Variants in CSMD1 observed in about 807,000 individuals in gnomAD.
CSMD1 encodes CUB and Sushi multiple domains 1, also known as CUB and sushi domain-containing protein 1.
Under a neutral mutation model 417.5 loss-of-function variants are expected in CSMD1, and 213 were observed. The observed-to-expected ratio is 0.51, with a 90% CI of 0.46 to 0.57. The LOEUF (loss-of-function observed/expected upper bound fraction) is 0.57. Ranked by LOEUF, CSMD1 falls within the 20% of genes least tolerant of loss-of-function variation. The pLI, the probability that CSMD1 is intolerant of heterozygous loss-of-function variation, is 0.00. For missense variants in CSMD1, 6,923 were observed against 4,529.7 expected (o/e 1.53, Z -15.17); for synonymous variants, 2,862 against 1,736.8 (o/e 1.65, Z -16.11).
intron 3 of CSMD1, among the ~76,000 whole-genome samples, chr8:4,404,421 T>A (rs1326271263): frequency 1.3e-5 from 2 of 152,178 alleles, no homozygotes; most frequent in African/African-American, 4.8e-5. Flanking sequence ...CAGTTAATCA[T>A]CAATAAATAT....
intron 2 of CSMD1, among the ~76,000 whole-genome samples, chr8:4,437,779 T>A (rs1024432741): frequency 6.6e-6 from 1 of 152,140 alleles, no homozygotes; most frequent in Admixed American, 6.5e-5. Flanking sequence ...GATCTTTGAG[T>A]TGTCTCTATG....
chr8:4,286,492 T>C (rs1425812045), intron 3 of CSMD1, among the ~76,000 whole-genome samples: 7 of 152,108 alleles, frequency 4.6e-5, no homozygotes, highest in Non-Finnish European at 2.9e-5. Flanking sequence ...AATAAGACGG[T>C]TGTGGCACAG....
At chr8:3,065,404 A>G (rs1812873860) in intron 49 of CSMD1, among the ~76,000 whole-genome samples, 1 of 152,138 alleles carries the variant, frequency 6.6e-6, no homozygotes, top group Non-Finnish European at 1.5e-5. Flanking sequence ...GTAGATGGAT[A>G]GATTGCTAAA....
intron 3 of CSMD1, among the ~76,000 whole-genome samples, chr8:4,366,213 T>C (rs1409705980): frequency 6.6e-6 from 1 of 152,038 alleles, no homozygotes; most frequent in Non-Finnish European, 1.5e-5. Context: ...CTTAGGATAA[T>C]GGTCTTCAAC....
chr8:3,002,652 T>C (rs1480662083), intron 52 of CSMD1, among the ~76,000 whole-genome samples: 1 of 152,210 alleles, frequency 6.6e-6, no homozygotes, highest in Non-Finnish European at 1.5e-5. Flanking sequence ...AGGACTCCTT[T>C]TAAACCTTAA....
intron 5 of CSMD1, among the ~76,000 whole-genome samples, chr8:3,854,990 G>A (rs761120694): frequency 6.6e-6 from 1 of 152,050 alleles, no homozygotes; most frequent in South Asian, 2.1e-4. Context: ...TCCAGGCCCA[G>A]TAATCCATAC....
chr8:4,713,374 T>G (rs967683381), intron 1 of CSMD1, among the ~76,000 whole-genome samples: 1 of 148,014 alleles, frequency 6.8e-6, no homozygotes, highest in Non-Finnish European at 1.5e-5. Context: ...CAGCTTTGTG[T>G]TTTTGTTTTG....
At position 3,571,387 on chromosome 8, in the gene CSMD1, G is replaced by C. The variant is rs73658198; in HGVS notation, c.1344+3558C>G. The stretch of plus-strand genomic sequence containing the variant: ...ATTGGTTCCTGAAGTCTGTTCCCTG[G>C]TTAAAGGTACGGAGAACATATATTG... On this transcript the variant is annotated intron_variant, in intron 10 of 69. Transcript: ENST00000635120. Among the ~76,000 whole-genome samples the C allele has an allele frequency of 9.0e-3, 1,364 of 152,250 alleles. 23 individuals carry two copies. Among genetic ancestry groups the C allele is most frequent in the African/African-American group, 0.031 (1,295 of 41,536 alleles).
chr8:4,701,106 G>T (rs1466251384), intron 1 of CSMD1, among the ~76,000 whole-genome samples: 2 of 152,030 alleles, frequency 1.3e-5, no homozygotes, highest in Non-Finnish European at 2.9e-5. Flanking sequence ...AGGATGAAAG[G>T]TGAATGTTGC....
At chr8:4,514,814 G>A (rs183941032) in intron 2 of CSMD1, among the ~76,000 whole-genome samples, 1 of 152,268 alleles carries the variant, frequency 6.6e-6, no homozygotes, top group African/African-American at 2.4e-5. Flanking sequence ...AGTGCTGGCT[G>A]CTGTTACTGT....
chr8:3,455,380 G>A (rs988214427), intron 12 of CSMD1, among the ~76,000 whole-genome samples: 1 of 152,248 alleles, frequency 6.6e-6, no homozygotes, highest in East Asian at 1.9e-4. Flanking sequence ...TGGAGGAGGA[G>A]AGGCACTCTG....
intron 1 of CSMD1, among the ~76,000 whole-genome samples, chr8:4,781,073 C>T (rs941494252): frequency 3.3e-5 from 5 of 152,172 alleles, no homozygotes; most frequent in South Asian, 2.1e-4. Context: ...CTGTGTCCCG[C>T]CGTCTTGTTA....
chr8:4,670,022 A>G (rs1054933143), intron 1 of CSMD1, among the ~76,000 whole-genome samples: 2 of 152,120 alleles, frequency 1.3e-5, no homozygotes, highest in African/African-American at 2.4e-5. Flanking sequence ...GAACAAATGA[A>G]CTCAACCATC....
intron 1 of CSMD1, among the ~76,000 whole-genome samples, chr8:4,684,896 A>G (rs986088449): frequency 6.6e-6 from 1 of 152,226 alleles, no homozygotes; most frequent in African/African-American, 2.4e-5. Context: ...TCACTTACTC[A>G]ACAAAACTGT....
intron 1 of CSMD1, among the ~76,000 whole-genome samples, chr8:4,967,107 G>C (rs1485018614): frequency 6.6e-6 from 1 of 151,900 alleles, no homozygotes; most frequent in Non-Finnish European, 1.5e-5. Context: ...AGATAAATTT[G>C]TCTTAAAAAA....
intron 41 of CSMD1, among the ~76,000 whole-genome samples, chr8:3,119,247 T>C (rs1348952712): frequency 1.4e-5 from 2 of 146,818 alleles, no homozygotes; most frequent in African/African-American, 2.5e-5. Flanking sequence ...GGTGAACATA[T>C]ACCTAATAAT....
intron 5 of CSMD1, among the ~76,000 whole-genome samples, chr8:3,824,408 G>A (rs1319483118): frequency 6.6e-6 from 1 of 152,124 alleles, no homozygotes; most frequent in Admixed American, 6.6e-5. Flanking sequence ...GCTCCCAATG[G>A]GAAAGATGAA....
At chr8:3,053,447 C>T (rs140958086) in intron 49 of CSMD1, among the ~76,000 whole-genome samples, 1,903 of 152,172 alleles carry the variant, frequency 0.013, 25 homozygotes, top group Non-Finnish European at 0.017. Context: ...TTGTTCCTCT[C>T]CCCTTCCCCA....
At chr8:3,429,965 T>C (rs2117015855) in intron 12 of CSMD1, among the ~76,000 whole-genome samples, 1 of 152,304 alleles carries the variant, frequency 6.6e-6, no homozygotes, top group East Asian at 1.9e-4. Flanking sequence ...TTAATCGATA[T>C]CTGTATGTAT....
Sources: allele counts gnomAD v4.1 joint callset (sites outside exome capture counted in the v4.1 genomes callset), GRCh38; gene constraint gnomAD v4.1.1; transcripts MANE v1.5; gene names NCBI Gene and HGNC (gene_info 2026-07-23, HGNC 2026-07-21).